Variants in CPNE4 observed in about 807,000 individuals in gnomAD.
The protein encoded by CPNE4 is copine 4.
In CPNE4, 25 loss-of-function variants were observed where a neutral mutation model predicts 67.9. The observed-to-expected ratio is 0.37, with a 90% confidence interval of 0.27 to 0.51. The LOEUF (loss-of-function observed/expected upper bound fraction) is 0.51. CPNE4 is among the 20% of genes least tolerant of loss of function. The pLI is 0.93. For synonymous variants in CPNE4, 242 were observed against 244.9 expected (o/e 0.99, Z 0.11); for missense variants, 464 against 690.8 (o/e 0.67, Z 3.68).
intron 7 of CPNE4, among the ~76,000 whole-genome samples, chr3:131,589,237 TCA>T (rs1318336057): frequency 6.6e-6 from 1 of 152,054 alleles, no homozygotes; most frequent in African/African-American, 2.4e-5. Context: ...CCCGGGAAAC[TCA>T]CAGTGCAGGC....
rs1203026321 is a variant in CPNE4 at position 131,581,630 on chromosome 3, G to C, written c.816C>G (p.Ala272=). Residue 272 remains alanine, a synonymous_variant, in exon 9 of 16, where the codon GCC becomes GCG. Transcript: ENST00000429747. ...QWECINPKYK[A]KKKNYKNSGT... ...CTGAGTTCTTGTAATTCTTCTTCTT[G>C]GCTTTGTACTTGGGATTGATGCACT... 6.2e-7 allele frequency: 1 copy of C among 1,613,446 alleles called. No homozygotes were observed. Among genetic ancestry groups the C allele is most frequent in the Non-Finnish European group, 8.5e-7 (1 of 1,179,532 alleles).
chr3:131,696,419 T>C lies in CPNE4; in HGVS notation c.507+123A>G, dbSNP rs868597997. Reference sequence around the variant, plus strand: ...GGAAAGTTTACTTTGTAGACCTCTCTGAATTTTTGGATCTGTTTGATAATG... The same window carrying C: ...GGAAAGTTTACTTTGTAGACCTCTCCGAATTTTTGGATCTGTTTGATAATG... On this transcript the variant is annotated intron_variant, in intron 5 of 15. Coordinates refer to ENST00000429747, the MANE Select transcript of CPNE4 (RefSeq NM_130808.3). 63 of 831,596 alleles carry C rather than the reference T, an allele frequency of 7.6e-5. 2 individuals are homozygous for C. In the South Asian group the frequency reaches 9.2e-4, roughly 12 times the overall value. The allele number at this position is 831,596 out of a possible 1,614,324, so 51.5% of individuals were successfully genotyped here.
At chr3:131,829,359 T>C (rs185821037) in intron 2 of CPNE4, among the ~76,000 whole-genome samples, 1 of 152,330 alleles carries the variant, frequency 6.6e-6, no homozygotes, top group East Asian at 1.9e-4. Flanking sequence ...ATCTTTGTTT[T>C]CTATGTACAC....
chr3:131,850,191 T>C (rs1443689468), intron 2 of CPNE4, among the ~76,000 whole-genome samples: 1 of 152,128 alleles, frequency 6.6e-6, no homozygotes, highest in Non-Finnish European at 1.5e-5. Flanking sequence ...AACTTAATGT[T>C]AACTAGATTT....
chr3:131,760,009 C>T (rs2107811649), intron 2 of CPNE4, among the ~76,000 whole-genome samples: 1 of 152,286 alleles, frequency 6.6e-6, no homozygotes, highest in East Asian at 1.9e-4. Context: ...ACTTCCTCCA[C>T]TATAAAGAAA....
intron 6 of CPNE4, among the ~76,000 whole-genome samples, chr3:131,683,799 T>G (rs371494684): frequency 1.2e-4 from 18 of 152,326 alleles, no homozygotes; most frequent in African/African-American, 4.1e-4. Flanking sequence ...CCCTTCAGCC[T>G]GCAGTGGCAA....
In CPNE4 at chr3:131,905,379, C is replaced by T. The variant is rs2088704318; in HGVS notation, c.65G>A (p.Cys22Tyr). ...CACACGCAGCTCAACTTTGGTCAGG[C>T]AGGGGCTGTTAAAGATTCCCAGTGT... ...ANTLGIFNSP[C>Y]LTKVELRVAC... The change falls in exon 2 of 16, where the codon TGC (cysteine) becomes TAC (tyrosine). Residue 22 changes from cysteine to tyrosine, a missense_variant. Physicochemically the swap from Cys to Tyr is radical, Grantham distance 194. This residue lies in a region of CPNE4 where 170 missense variants were observed against 203.3 expected (regional missense o/e 0.84). Coordinates refer to ENST00000429747, the MANE Select transcript of CPNE4 (RefSeq NM_130808.3). 1 of 1,613,402 alleles carries T rather than the reference C, an allele frequency of 6.2e-7. No individual in the cohort carries two copies. Among genetic ancestry groups the T allele is most frequent in the Admixed American group, 1.7e-5 (1 of 59,884 alleles).
rs553969055 is a variant in CPNE4, at chr3:131,946,331, C to T, written c.-1-40887G>A. Among the ~76,000 whole-genome samples, 38 of 152,164 alleles carry T rather than the reference C, an allele frequency of 2.5e-4. No individual in the cohort carries two copies. The South Asian group carries it at 6.8e-3, about 27-fold the overall frequency. On this transcript the variant is annotated intron_variant, in intron 1 of 15. Coordinates refer to ENST00000429747, the MANE Select transcript of CPNE4 (RefSeq NM_130808.3). ...AGCATAATACTTTAAAGGTTCATTC[C>T]GATTGTAGCATGTATCAGTACTTTA...
intron 7 of CPNE4, among the ~76,000 whole-genome samples, chr3:131,635,001 A>G (rs1332157436): frequency 6.6e-6 from 1 of 152,160 alleles, no homozygotes. Context: ...CCTTTGAAAA[A>G]CTTGATTATG....
At chr3:131,951,484 C>T (rs923444854) in intron 1 of CPNE4, among the ~76,000 whole-genome samples, 6 of 152,170 alleles carry the variant, frequency 3.9e-5, no homozygotes, top group African/African-American at 1.4e-4. Context: ...CCTAGAGATA[C>T]TCCCCCTCCC....
At chr3:131,995,840 G>A (rs2073277051) in intron 1 of CPNE4, among the ~76,000 whole-genome samples, 1 of 152,194 alleles carries the variant, frequency 6.6e-6, no homozygotes, top group Admixed American at 6.5e-5. Context: ...TCAACCAGAT[G>A]ATTTCTAACA....
chr3:131,911,145 C>T (rs576207688), intron 1 of CPNE4, among the ~76,000 whole-genome samples: 2 of 152,186 alleles, frequency 1.3e-5, no homozygotes, highest in Non-Finnish European at 2.9e-5. Context: ...GATAATGACA[C>T]CATCTTGATA....
intron 7 of CPNE4, among the ~76,000 whole-genome samples, chr3:131,593,811 A>G (rs1222876366): frequency 2.0e-5 from 3 of 152,112 alleles, no homozygotes; most frequent in Non-Finnish European, 2.9e-5. Flanking sequence ...TCCTGGGTTC[A>G]AGCGATTCTC....
intron 1 of CPNE4, among the ~76,000 whole-genome samples, chr3:131,980,321 G>A (rs1262432315): frequency 1.3e-5 from 2 of 152,066 alleles, no homozygotes. Flanking sequence ...TTCTTCCTCA[G>A]GAACACCAAT....
chr3:131,590,720 A>G (rs535412221), intron 7 of CPNE4, among the ~76,000 whole-genome samples: 2 of 152,344 alleles, frequency 1.3e-5, no homozygotes, highest in African/African-American at 4.8e-5. Context: ...GCAGGACCAC[A>G]TGCAAAAAAT....
At chr3:131,577,853 G>C (rs576067669) in intron 9 of CPNE4, among the ~76,000 whole-genome samples, 1 of 152,106 alleles carries the variant, frequency 6.6e-6, no homozygotes, top group African/African-American at 2.4e-5. Context: ...TGGGAGTACT[G>C]TCATATCGGT....
chr3:131,799,507 T>C (rs1051879232), intron 2 of CPNE4, among the ~76,000 whole-genome samples: 1 of 152,144 alleles, frequency 6.6e-6, no homozygotes, highest in Non-Finnish European at 1.5e-5. Flanking sequence ...TTGTGTTTTG[T>C]CTTTAATTTT....
chr3:131,967,086 C>T (rs1298924961), intron 1 of CPNE4, among the ~76,000 whole-genome samples: 2 of 152,160 alleles, frequency 1.3e-5, no homozygotes, highest in Non-Finnish European at 2.9e-5. Context: ...AATCAATAAA[C>T]ATAATCCATC....
At chr3:131,570,343 T>A (rs1559915703) in intron 10 of CPNE4, among the ~76,000 whole-genome samples, 2 of 150,854 alleles carry the variant, frequency 1.3e-5, no homozygotes, top group South Asian at 4.2e-4. Context: ...TTTTTTAAAA[T>A]TTTTTATTAT....
Sources: allele counts gnomAD v4.1 joint callset (sites outside exome capture counted in the v4.1 genomes callset), GRCh38; gene constraint gnomAD v4.1.1; regional missense constraint gnomAD v4.1.1; transcripts MANE v1.5; gene names NCBI Gene and HGNC (gene_info 2026-07-23, HGNC 2026-07-21).